IL1RAPL2: variants seen among roughly 807,000 people sequenced by gnomAD.
The protein encoded by IL1RAPL2 is X-linked interleukin-1 receptor accessory protein-like 2.
Under a neutral mutation model 44.1 loss-of-function variants are expected in IL1RAPL2, and 3 were observed. The ratio of observed to expected loss-of-function variants is 0.07; its 90% CI spans 0.03 to 0.18. IL1RAPL2 has a LOEUF of 0.18. Among genes scored for constraint, IL1RAPL2 ranks in the 10% least tolerant of loss-of-function variants. IL1RAPL2 has a pLI of 1.00. For synonymous variants in IL1RAPL2, 181 were observed against 178.8 expected, an observed-to-expected ratio of 1.01 and a Z score of -0.10; for missense variants, 391 against 496.4, an observed-to-expected ratio of 0.79 and a Z score of 2.02.
intron 2 of IL1RAPL2, among the ~76,000 whole-genome samples, chrX:105,099,224 T>A (rs2032639933): frequency 9.0e-6 from 1 of 111,323 alleles, no homozygotes; most frequent in Non-Finnish European, 1.9e-5. Context: ...AGTTCCCCAT[T>A]GTATCAGTCT....
chrX:104,903,314 CTCT>C (rs1246283509), intron 2 of IL1RAPL2, among the ~76,000 whole-genome samples: 1 of 111,813 alleles, frequency 8.9e-6, no homozygotes, highest in Non-Finnish European at 1.9e-5. Context: ...ATTATTCTCT[CTCT>C]TCTTCCCAAC....
In IL1RAPL2 at chrX:105,707,840, A is replaced by T. The variant is rs181503135; in HGVS notation, c.773-9527A>T. Among the ~76,000 whole-genome samples the T allele has an allele frequency of 2.7e-5, 3 of 111,194 alleles. No individual in the cohort carries two copies. In the East Asian group the frequency reaches 8.6e-4, roughly 32 times the overall value. On this transcript the variant is annotated intron_variant, in intron 6 of 10. Coordinates refer to ENST00000372582, the MANE Select transcript of IL1RAPL2 (RefSeq NM_017416.2). ...TTCCTGTGACATGTATAAAAATGGG[A>T]TTCAGAGAAAGCAGAGTGTGCATTA...
chrX:105,102,028 C>T (rs191946135), intron 2 of IL1RAPL2, among the ~76,000 whole-genome samples: 7 of 111,673 alleles, frequency 6.3e-5, no homozygotes, highest in African/African-American at 9.8e-5. Flanking sequence ...TTTTAAAATG[C>T]GCAATGTGTG....
chrX:105,180,396 C>T, intron 2 of IL1RAPL2, among the ~76,000 whole-genome samples: 1 of 110,951 alleles, frequency 9.0e-6, no homozygotes, highest in East Asian at 2.8e-4. Flanking sequence ...AGTGGGTATC[C>T]TTGTCTTGTT....
chrX:105,273,028 A>C (rs2034459310), intron 5 of IL1RAPL2, among the ~76,000 whole-genome samples: 1 of 111,427 alleles, frequency 9.0e-6, no homozygotes, highest in African/African-American at 3.3e-5. Flanking sequence ...AATATGGTGG[A>C]GAGTTGGTGA....
chrX:105,512,747 C>G (rs1436686313), intron 6 of IL1RAPL2, among the ~76,000 whole-genome samples: 1 of 111,112 alleles, frequency 9.0e-6, no homozygotes, highest in African/African-American at 3.3e-5. Flanking sequence ...TGTATAATAA[C>G]ATATAGTCAA....
In IL1RAPL2 at chrX:105,767,331, T is replaced by C. The variant is rs2038740317; in HGVS notation, c.1731T>C (p.Leu577=). 8.3e-7 allele frequency: 1 copy of C among 1,210,038 alleles called. No homozygotes were observed. The highest frequency in any genetic ancestry group is 1.7e-5 in the African/African-American group (1 of 57,203). ...CHVLDSAEQG[L]FGELQPIPSI... ...TTCTGGACTCCGCAGAACAAGGACT[T>C]TTTGGAGAACTCCAGCCTATACCCT... The change falls in exon 11 of 11, where the codon CTT becomes CTC. Residue 577 remains leucine, a synonymous_variant. Transcript: ENST00000372582.
chrX:105,575,336 C>T (rs1378283285), intron 6 of IL1RAPL2, among the ~76,000 whole-genome samples: 1 of 111,362 alleles, frequency 9.0e-6, no homozygotes, highest in East Asian at 2.8e-4. Flanking sequence ...TCCCACCCTC[C>T]ACCTTCTAAT....
chrX:105,032,553 T>C (rs1247373944), intron 2 of IL1RAPL2, among the ~76,000 whole-genome samples: 1 of 112,195 alleles, frequency 8.9e-6, no homozygotes, highest in African/African-American at 3.2e-5. Flanking sequence ...AGTTTCTTAA[T>C]CCTGAGTTCT....
At chrX:105,693,207 T>C (rs148633377) in intron 6 of IL1RAPL2, among the ~76,000 whole-genome samples, 1 of 112,358 alleles carries the variant, frequency 8.9e-6, no homozygotes, top group East Asian at 2.8e-4. Context: ...AAAAGAGACA[T>C]TGCAAATGTG....
chrX:104,824,807 A>AT (rs781382733), intron 2 of IL1RAPL2, among the ~76,000 whole-genome samples: 131 of 111,276 alleles, frequency 1.2e-3, no homozygotes, highest in African/African-American at 4.2e-3. Flanking sequence ...CTAGTGGTCT[A>AT]TTTTGTTAAT....
At chrX:105,005,597 T>C (rs1602883910) in intron 2 of IL1RAPL2, among the ~76,000 whole-genome samples, 2 of 110,885 alleles carry the variant, frequency 1.8e-5, no homozygotes, top group Admixed American at 1.9e-4. Flanking sequence ...TTCTTGTATG[T>C]ACCTCTTTCC....
chrX:104,878,205 G>A (rs1922961824), intron 2 of IL1RAPL2, among the ~76,000 whole-genome samples: 1 of 111,671 alleles, frequency 9.0e-6, no homozygotes, highest in African/African-American at 3.3e-5. Flanking sequence ...TCTGTGCCAG[G>A]TCATAATGAT....
At chrX:104,706,707 C>A (rs1343881175) in intron 2 of IL1RAPL2, among the ~76,000 whole-genome samples, 3 of 111,893 alleles carry the variant, frequency 2.7e-5, no homozygotes, top group African/African-American at 9.7e-5. Flanking sequence ...CTTTATTTTT[C>A]TGCAATAAGC....
chrX:104,917,458 T>C (rs979473436), intron 2 of IL1RAPL2, among the ~76,000 whole-genome samples: 27 of 111,586 alleles, frequency 2.4e-4, no homozygotes, highest in Non-Finnish European at 4.7e-4. Flanking sequence ...AGTTTCTCTA[T>C]TTGATTTTTA....
At chrX:104,645,655 ATTG>A (rs1350300429) in intron 1 of IL1RAPL2, among the ~76,000 whole-genome samples, 1 of 111,678 alleles carries the variant, frequency 9.0e-6, no homozygotes, top group African/African-American at 3.2e-5. Flanking sequence ...AAAATACTTC[ATTG>A]TTGTTGTCTG....
chrX:105,074,581 G>C, intron 2 of IL1RAPL2, among the ~76,000 whole-genome samples: 1 of 107,733 alleles, frequency 9.3e-6, no homozygotes, highest in East Asian at 2.9e-4. Context: ...TGTGAAGAAA[G>C]TCATTGGTAG....
At chrX:104,634,530 G>A in intron 1 of IL1RAPL2, among the ~76,000 whole-genome samples, 1 of 111,995 alleles carries the variant, frequency 8.9e-6, no homozygotes, top group Non-Finnish European at 1.9e-5. Flanking sequence ...GGGTGCTCCT[G>A]TGCTGGGTGC....
intron 5 of IL1RAPL2, among the ~76,000 whole-genome samples, chrX:105,456,532 G>A (rs2036056128): frequency 2.7e-5 from 3 of 111,268 alleles, no homozygotes. Flanking sequence ...AACATGAAGA[G>A]GTGTCGAATT....
Sources: gnomAD v4.1 joint callset for allele counts (sites outside exome capture counted in the v4.1 genomes callset) on GRCh38, gnomAD v4.1.1 for gene constraint, MANE v1.5 for transcripts, NCBI Gene and HGNC (gene_info 2026-07-23, HGNC 2026-07-21) for gene names.